SSBP2: variants seen among roughly 807,000 people sequenced by gnomAD.
The protein encoded by SSBP2 is single stranded DNA binding protein 2, also known as single-stranded DNA-binding protein 2.
SSBP2 carries 17 observed loss-of-function variants against 61.8 expected under a neutral mutation model. The ratio of observed to expected loss-of-function variants is 0.28; its 90% CI spans 0.19 to 0.41. SSBP2 has a LOEUF of 0.41. SSBP2 is among the 10% of genes least tolerant of loss of function. The pLI is 1.00. For missense variants in SSBP2, 310 were observed against 458.7 expected, an observed-to-expected ratio of 0.68 and a Z score of 2.96; for synonymous variants, 139 against 141.3, an observed-to-expected ratio of 0.98 and a Z score of 0.12.
chr5:81,699,620 T>C (rs1753826113), intron 1 of SSBP2, among the ~76,000 whole-genome samples: 1 of 152,174 alleles, frequency 6.6e-6, no homozygotes. Context: ...TTCTACCACA[T>C]CTGCAGTGAC....
intron 8 of SSBP2, among the ~76,000 whole-genome samples, chr5:81,471,616 T>A (rs539091231): frequency 6.6e-6 from 1 of 152,102 alleles, no homozygotes; most frequent in East Asian, 1.9e-4. Context: ...TTAATGATGA[T>A]TGGTTAACAT....
At chr5:81,574,481 A>G (rs1561554741) in intron 4 of SSBP2, among the ~76,000 whole-genome samples, 1 of 152,148 alleles carries the variant, frequency 6.6e-6, no homozygotes. Flanking sequence ...GAATAAAAGG[A>G]GTTGAAAAAA....
rs150658651 is a variant in SSBP2 at position 81,451,581 on chromosome 5, C to T, written c.688-2756G>A. Among the ~76,000 whole-genome samples, 498 of 152,236 alleles carry T rather than the reference C, an allele frequency of 3.3e-3. 3 individuals are homozygous for T. Among genetic ancestry groups the T allele is most frequent in the African/African-American group, 0.012 (485 of 41,538 alleles). ...AGTTGGGATTACAGGTGCCTGCTAT[C>T]ACGCCCGGCTAATTTTTGTATTTTC... On this transcript the variant is annotated intron_variant, in intron 10 of 16. Transcript: ENST00000320672.
chr5:81,532,092 AG>A (rs1214946075), intron 4 of SSBP2, among the ~76,000 whole-genome samples: 2 of 152,130 alleles, frequency 1.3e-5, no homozygotes, highest in African/African-American at 4.8e-5. Context: ...TGATCAGTGA[AG>A]AGCAGTACTG....
chr5:81,554,771 G>A (rs1298951995), intron 4 of SSBP2, among the ~76,000 whole-genome samples: 1 of 152,092 alleles, frequency 6.6e-6, no homozygotes, highest in African/African-American at 2.4e-5. Flanking sequence ...TACTAAGATA[G>A]CTCTCAACAA....
At chr5:81,710,713 G>C in intron 1 of SSBP2, 1 of 455,012 alleles carries the variant, frequency 2.2e-6, no homozygotes, top group Non-Finnish European at 4.4e-6. Flanking sequence ...TGAGGGCTGA[G>C]GGGATCACAA....
chr5:81,729,444 A>G (rs969133323), intron 1 of SSBP2, among the ~76,000 whole-genome samples: 5 of 152,180 alleles, frequency 3.3e-5, no homozygotes, highest in African/African-American at 4.8e-5. Context: ...GGTCTAAATG[A>G]TTTCCTATGG....
chr5:81,671,523 G>A (rs1282113504), intron 1 of SSBP2, among the ~76,000 whole-genome samples: 1 of 152,006 alleles, frequency 6.6e-6, no homozygotes, highest in Admixed American at 6.6e-5. Context: ...TAACAATTTA[G>A]TACCATAAGG....
intron 4 of SSBP2, among the ~76,000 whole-genome samples, chr5:81,542,817 TTCTCTCTC>T (rs60252222): frequency 0.014 from 1,478 of 106,774 alleles, 33 homozygotes; most frequent in African/African-American, 0.056. Context: ...ATTTGACAGT[TTCTCTCTC>T]TCTCTCTCTC....
At chr5:81,562,939 G>T (rs913463709) in intron 4 of SSBP2, among the ~76,000 whole-genome samples, 11 of 152,046 alleles carry the variant, frequency 7.2e-5, no homozygotes, top group African/African-American at 2.7e-4. Flanking sequence ...TTCATGAAGG[G>T]GAAGACTCCG....
At chr5:81,669,516 G>A (rs1409794124) in intron 1 of SSBP2, among the ~76,000 whole-genome samples, 1 of 152,146 alleles carries the variant, frequency 6.6e-6, no homozygotes, top group African/African-American at 2.4e-5. Context: ...CATGGATGAA[G>A]CTGGAAGCCA....
intron 1 of SSBP2, among the ~76,000 whole-genome samples, chr5:81,737,468 C>T (rs1358026116): frequency 6.6e-6 from 1 of 151,990 alleles, no homozygotes; most frequent in Non-Finnish European, 1.5e-5. Flanking sequence ...CTCCCTAAGT[C>T]ACAGATGGTT....
At chr5:81,652,098 C>G (rs1422158822) in intron 1 of SSBP2, among the ~76,000 whole-genome samples, 1 of 152,106 alleles carries the variant, frequency 6.6e-6, no homozygotes, top group Non-Finnish European at 1.5e-5. Context: ...GCTGGTCCAC[C>G]AAGCTTGGGG....
chr5:81,614,282 C>A (rs554603208), intron 4 of SSBP2, among the ~76,000 whole-genome samples: 1 of 139,528 alleles, frequency 7.2e-6, no homozygotes, highest in Non-Finnish European at 1.5e-5. Context: ...ATGGCGTGAA[C>A]CCGGGAGGCG....
At chr5:81,525,669 T>C (rs1232278271) in intron 4 of SSBP2, among the ~76,000 whole-genome samples, 2 of 152,004 alleles carry the variant, frequency 1.3e-5, no homozygotes, top group Admixed American at 6.6e-5. Context: ...TAGTTTTTCC[T>C]ACCTGTAAAG....
At chr5:81,442,417 T>G (rs958736911) in intron 13 of SSBP2, among the ~76,000 whole-genome samples, 7 of 152,082 alleles carry the variant, frequency 4.6e-5, no homozygotes, top group African/African-American at 1.7e-4. Flanking sequence ...AAGATGAAAC[T>G]AATGTGTAAT....
intron 10 of SSBP2, among the ~76,000 whole-genome samples, chr5:81,449,251 T>G (rs1763608224): frequency 6.6e-6 from 1 of 152,204 alleles, no homozygotes; most frequent in African/African-American, 2.4e-5. Context: ...ACTATTAATT[T>G]GTGAGGATCA....
At chr5:81,534,779 A>G (rs1413183445) in intron 4 of SSBP2, among the ~76,000 whole-genome samples, 2 of 152,112 alleles carry the variant, frequency 1.3e-5, no homozygotes, top group Non-Finnish European at 2.9e-5. Flanking sequence ...AGAAAGAAAC[A>G]GAAGCAATAA....
intron 8 of SSBP2, 39 bp from the exon 9 acceptor site, chr5:81,467,104 G>A (rs1426200112): frequency 3.7e-6 from 5 of 1,356,586 alleles, no homozygotes; most frequent in South Asian, 1.3e-5. Context: ...AGAGGAGGGG[G>A]GAAAGAAAGG....
Sources: allele counts gnomAD v4.1 joint callset (sites outside exome capture counted in the v4.1 genomes callset), GRCh38; gene constraint gnomAD v4.1.1; transcripts MANE v1.5; gene names NCBI Gene and HGNC (gene_info 2026-07-23, HGNC 2026-07-21).